GALNT2: variants seen among roughly 807,000 people sequenced by gnomAD.
The protein encoded by GALNT2 is polypeptide N-acetylgalactosaminyltransferase 2, also known as UDP-GalNAc:polypeptide N-acetylgalactosaminyltransferase 2.
Under a neutral mutation model 81.4 loss-of-function variants are expected in GALNT2, and 31 were observed. The ratio of observed to expected loss-of-function variants is 0.38; its 90% CI spans 0.29 to 0.51. GALNT2 has a LOEUF of 0.51. Among genes scored for constraint, GALNT2 ranks in the 20% least tolerant of loss-of-function variants. GALNT2 has a pLI of 0.87. For missense variants in GALNT2, 629 were observed against 765.7 expected, an observed-to-expected ratio of 0.82 and a Z score of 2.11; for synonymous variants, 303 against 287.4, an observed-to-expected ratio of 1.05 and a Z score of -0.55.
rs151246250 is a variant in GALNT2, at chr1:230,084,072, C to G, written c.126+16666C>G. On this transcript the variant is annotated intron_variant, in intron 1 of 15. Coordinates refer to ENST00000366672, the MANE Select transcript of GALNT2 (RefSeq NM_004481.5). ...ATGTCACTTTGGACACCCGAGATTT[C>G]CCTGATTTGCCTGGAGCCTCTGTGT... Among the ~76,000 whole-genome samples, 8 of 152,328 alleles carry G rather than the reference C, an allele frequency of 5.3e-5. No individual in the cohort carries two copies. The East Asian group carries it at 1.5e-3, about 29-fold the overall frequency.
chr1:230,240,706 G>C (rs566609254), intron 6 of GALNT2, among the ~76,000 whole-genome samples: 31 of 151,454 alleles, frequency 2.0e-4, no homozygotes, highest in South Asian at 1.5e-3. Flanking sequence ...CCTAGATTTA[G>C]TTTTCTTTAT....
In GALNT2 at chr1:230,275,847, GCCACATAGATATACATATATAAA is replaced by G. The variant is rs1666288558; in HGVS notation, c.1560+1284_1560+1306del. Among the ~76,000 whole-genome samples the G allele has an allele frequency of 1.4e-5, 2 of 146,008 alleles. No individual in the cohort carries two copies. Among genetic ancestry groups the G allele is most frequent in the Non-Finnish European group, 3.0e-5 (2 of 66,816 alleles). ...GCCACATATATACATGTATATACAT[GCCACATAGATATACATATATAAA>G]TGCCACAGATATATACATATATAAA... On this transcript the variant is annotated intron_variant, in intron 15 of 15. Transcript: ENST00000366672. The surrounding 1 kb of genome is among the most constrained non-coding windows in gnomAD (Gnocchi z 5.5).
At chr1:230,201,330 C>CG (rs1369960778) in intron 2 of GALNT2, among the ~76,000 whole-genome samples, 1 of 152,142 alleles carries the variant, frequency 6.6e-6, no homozygotes. Flanking sequence ...TGACACCCCC[C>CG]AAGCATCATT....
At chr1:230,083,021 G>A (rs1299087225) in intron 1 of GALNT2, among the ~76,000 whole-genome samples, 2 of 151,346 alleles carry the variant, frequency 1.3e-5, no homozygotes, top group African/African-American at 4.9e-5. Context: ...ATAGAGCACG[G>A]CAGTTGGGAT....
Position 230,255,344 on chromosome 1 carries a change from G to A in GALNT2, c.1136G>A (p.Arg379Gln), listed in dbSNP as rs746876922. 2.4e-5 allele frequency: 38 copies of A among 1,614,098 alleles called. No homozygotes were observed. The Middle Eastern group carries it at 4.9e-4, about 21-fold the overall frequency. The change falls in exon 11 of 16, where the codon CGA becomes CAA. Residue 379 changes from arginine to glutamine, a missense_variant and splice_region_variant. This residue lies in a region of GALNT2 where 360 missense variants were observed against 492.8 expected (regional missense o/e 0.73). Coordinates refer to ENST00000366672, the MANE Select transcript of GALNT2 (RefSeq NM_004481.5). ...FPGGSGTVFA[R>Q]NTRRAAEVWM... ...GGTGGCAGTGGCACTGTCTTTGCCC[G>A]GTAAGTAGTGAAAGGCTGAGCGGGG...
At chr1:230,076,150 G>A (rs1659548059) in intron 1 of GALNT2, among the ~76,000 whole-genome samples, 1 of 152,160 alleles carries the variant, frequency 6.6e-6, no homozygotes, top group African/African-American at 2.4e-5. Flanking sequence ...CCTTACTACA[G>A]ACCTGCAGCT....
rs890316769 is a variant in GALNT2, at chr1:230,279,947, A to G, written c.*489A>G. On this transcript the variant is annotated 3_prime_UTR_variant, in exon 16 of 16. Coordinates refer to ENST00000366672, the MANE Select transcript of GALNT2 (RefSeq NM_004481.5). The surrounding 1 kb of genome is among the most constrained non-coding windows in gnomAD (Gnocchi z 4.6). ...CGTGTCACGTGGCAGGTTTACGTCA[A>G]TAGTCCCTCTCTCTGCTCCTCCATT... The G allele has an allele frequency of 9.2e-5, 42 of 456,326 alleles. No individual in the cohort carries two copies. The highest frequency in any genetic ancestry group is 1.5e-4 in the Non-Finnish European group (34 of 227,078). The allele number at this position is 456,326 out of a possible 1,614,324, so 28.3% of individuals were successfully genotyped here. A position where few individuals can be genotyped will look rare whatever the true frequency, so the allele number is the denominator to read the frequency against.
chr1:230,112,235 A>T (rs2102791011), intron 1 of GALNT2, among the ~76,000 whole-genome samples: 1 of 152,296 alleles, frequency 6.6e-6, no homozygotes, highest in Middle Eastern at 3.4e-3. Flanking sequence ...CTAATCTCCT[A>T]GCATAGGCTG....
intron 1 of GALNT2, among the ~76,000 whole-genome samples, chr1:230,122,121 A>G (rs1234473921): frequency 1.3e-5 from 2 of 151,996 alleles, no homozygotes; most frequent in Admixed American, 1.3e-4. Context: ...CATTATGAAC[A>G]GGTTGTTTGC....
rs113361455 is a variant in GALNT2 at position 230,205,709 on chromosome 1, C to T, written c.374+2419C>T. Among the ~76,000 whole-genome samples, 1,373 of 152,200 alleles carry T rather than the reference C, an allele frequency of 9.0e-3. 16 individuals are homozygous for T. Among genetic ancestry groups the T allele is most frequent in the African/African-American group, 0.03 (1,258 of 41,532 alleles). Reference sequence around the variant, plus strand: ...AAGATCGCAAGTGTATATGTAGGTGCGTTTCTGGGGACAGGGTCCTTCACT... The same window carrying T: ...AAGATCGCAAGTGTATATGTAGGTGTGTTTCTGGGGACAGGGTCCTTCACT... On this transcript the variant is annotated intron_variant, in intron 3 of 15. Coordinates refer to ENST00000366672, the MANE Select transcript of GALNT2 (RefSeq NM_004481.5).
At chr1:230,141,072 T>G (rs2102823992) in intron 1 of GALNT2, among the ~76,000 whole-genome samples, 1 of 152,340 alleles carries the variant, frequency 6.6e-6, no homozygotes. Flanking sequence ...TAGGTAACCA[T>G]GCTTAAAGAC....
At chr1:230,137,538 T>C (rs1259993938) in intron 1 of GALNT2, among the ~76,000 whole-genome samples, 1 of 152,256 alleles carries the variant, frequency 6.6e-6, no homozygotes, top group East Asian at 1.9e-4. Context: ...GGAGGAATTA[T>C]TTTCTCTTCA....
At chr1:230,201,232 C>A (rs1453772522) in intron 2 of GALNT2, among the ~76,000 whole-genome samples, 2 of 152,094 alleles carry the variant, frequency 1.3e-5, no homozygotes, top group African/African-American at 4.8e-5. Context: ...CTCCCACAGG[C>A]AGCTGTTTAT....
At chr1:230,277,850 G>A (rs1427468895) in intron 15 of GALNT2, among the ~76,000 whole-genome samples, 1 of 152,128 alleles carries the variant, frequency 6.6e-6, no homozygotes, top group Non-Finnish European at 1.5e-5. Context: ...TTCCAGGCAC[G>A]TCCATGTTTT....
chr1:230,147,751 C>G (rs976077048), intron 1 of GALNT2, among the ~76,000 whole-genome samples: 1 of 152,234 alleles, frequency 6.6e-6, no homozygotes, highest in Non-Finnish European at 1.5e-5. Context: ...CCCTGTTGCC[C>G]TCTTCCCGTT....
chr1:230,180,693 T>C (rs1213453267), intron 2 of GALNT2, among the ~76,000 whole-genome samples: 1 of 152,198 alleles, frequency 6.6e-6, no homozygotes, highest in African/African-American at 2.4e-5. Context: ...AATCTATAGA[T>C]CAAGTTGAGA....
chr1:230,100,090 T>C (rs1455899357), intron 1 of GALNT2, among the ~76,000 whole-genome samples: 1 of 152,214 alleles, frequency 6.6e-6, no homozygotes, highest in African/African-American at 2.4e-5. Flanking sequence ...CATAGATCGT[T>C]GAATGAATGG....
intron 1 of GALNT2, among the ~76,000 whole-genome samples, chr1:230,130,352 G>C (rs1349357018): frequency 6.6e-6 from 1 of 152,180 alleles, no homozygotes; most frequent in East Asian, 1.9e-4. Context: ...GAAGCACTTA[G>C]CATGGGGTCT....
chr1:230,278,543 T>G (rs1330575211), intron 15 of GALNT2, among the ~76,000 whole-genome samples: 2 of 152,164 alleles, frequency 1.3e-5, no homozygotes, highest in Non-Finnish European at 2.9e-5. Context: ...TGAGTTTGGT[T>G]GTTCGCTTGA....
Sources: allele counts gnomAD v4.1 joint callset (sites outside exome capture counted in the v4.1 genomes callset), GRCh38; gene constraint gnomAD v4.1.1; regional missense constraint gnomAD v4.1.1; non-coding constraint Gnocchi (gnomAD v3.1); transcripts MANE v1.5; gene names NCBI Gene and HGNC (gene_info 2026-07-23, HGNC 2026-07-21).